OLA1: variants seen among roughly 807,000 people sequenced by gnomAD.
The protein encoded by OLA1 is obg-like ATPase 1.
A neutral mutation model predicts 48.4 loss-of-function variants in OLA1; 14 were observed. That is an observed-to-expected ratio of 0.29 (90% confidence interval 0.19 to 0.45). OLA1 has a LOEUF of 0.45. OLA1 is among the 20% of genes least tolerant of loss of function. The pLI is 1.00. For synonymous variants in OLA1, 127 were observed against 150.4 expected, an observed-to-expected ratio of 0.84 and a Z score of 1.14; for missense variants, 325 against 467.1, an observed-to-expected ratio of 0.70 and a Z score of 2.80.
intron 7 of OLA1, among the ~76,000 whole-genome samples, chr2:174,099,026 C>T (rs1574480331): frequency 2.0e-5 from 3 of 152,230 alleles, no homozygotes; most frequent in Admixed American, 2.0e-4. Flanking sequence ...CATTAAAAAT[C>T]ACTGCTGAGT....
chr2:174,222,540 TTC>T (rs1240848773), intron 4 of OLA1, among the ~76,000 whole-genome samples: 3 of 152,216 alleles, frequency 2.0e-5, no homozygotes, highest in South Asian at 2.1e-4. Flanking sequence ...GTCCTATTTT[TTC>T]TCTTTCCTTT....
chr2:174,110,569 C>T (rs898844526), intron 7 of OLA1, among the ~76,000 whole-genome samples: 5 of 151,816 alleles, frequency 3.3e-5, no homozygotes, highest in African/African-American at 1.2e-4. Flanking sequence ...CTCAGCCTCC[C>T]ACATAGCTGG....
In OLA1 at chr2:174,137,103, A is replaced by T. The variant is rs1686327344; in HGVS notation, c.549+4722T>A. 7.2e-5 allele frequency among the ~76,000 whole-genome samples: 11 copies of T among 152,244 alleles called. No individual in the cohort carries two copies. The South Asian group carries it at 2.3e-3, about 32-fold the overall frequency. ...AAATGTATTTCTTAAATAATAAGATAGGAACATCAAAATTATTCCTTGATC... is the reference window on the plus strand; with the variant it reads ...AAATGTATTTCTTAAATAATAAGATTGGAACATCAAAATTATTCCTTGATC... On this transcript the variant is annotated intron_variant, in intron 5 of 10. Coordinates refer to ENST00000284719, the MANE Select transcript of OLA1 (RefSeq NM_013341.5).
chr2:174,087,344 A>T lies in OLA1; in HGVS notation c.729-5280T>A, dbSNP rs1195090636. On this transcript the variant is annotated intron_variant, in intron 7 of 10. Transcript: ENST00000284719. ...CTCGGCCCCTATTGTATATTCTAAA[A>T]CTACCACACCATCATCAATACCAAT... Among the ~76,000 whole-genome samples the T allele has an allele frequency of 2.6e-5, 4 of 151,810 alleles. No individual in the cohort carries two copies. In the South Asian group the frequency reaches 6.2e-4, roughly 24 times the overall value.
chr2:174,089,683 C>T (rs1445349174), intron 7 of OLA1, among the ~76,000 whole-genome samples: 1 of 151,978 alleles, frequency 6.6e-6, no homozygotes, highest in South Asian at 2.1e-4. Flanking sequence ...GGGGGGATTG[C>T]TTGAGCTCAT....
chr2:174,083,703 A>G (rs1268207543), intron 7 of OLA1, among the ~76,000 whole-genome samples: 1 of 152,206 alleles, frequency 6.6e-6, no homozygotes, highest in Non-Finnish European at 1.5e-5. Flanking sequence ...AAATGTTATC[A>G]TCAATGGTTT....
chr2:174,174,400 T>C (rs1687376928), intron 4 of OLA1, among the ~76,000 whole-genome samples: 1 of 151,982 alleles, frequency 6.6e-6, no homozygotes, highest in Non-Finnish European at 1.5e-5. Context: ...TAATTTACCA[T>C]ATTAATAGAA....
At chr2:174,245,670 G>C (rs150041852) in intron 2 of OLA1, among the ~76,000 whole-genome samples, 1 of 152,312 alleles carries the variant, frequency 6.6e-6, no homozygotes, top group East Asian at 1.9e-4. Flanking sequence ...AAGGCAGGCA[G>C]ATCACCTGAG....
chr2:174,216,647 G>A (rs1688367155), intron 4 of OLA1, among the ~76,000 whole-genome samples: 1 of 151,994 alleles, frequency 6.6e-6, no homozygotes, highest in Admixed American at 6.6e-5. Context: ...CAAACTCTTG[G>A]GCTCAAGCAA....
chr2:174,102,029 A>C (rs1574482119), intron 7 of OLA1, among the ~76,000 whole-genome samples: 3 of 152,308 alleles, frequency 2.0e-5, no homozygotes, highest in Admixed American at 2.0e-4. Flanking sequence ...GAATATTCAA[A>C]TGAAGATTTC....
intron 2 of OLA1, among the ~76,000 whole-genome samples, chr2:174,246,407 T>A (rs1689128919): frequency 6.6e-6 from 1 of 152,188 alleles, no homozygotes; most frequent in South Asian, 2.1e-4. Context: ...CGATTTCCAC[T>A]ACGAAATTCA....
intron 5 of OLA1, among the ~76,000 whole-genome samples, chr2:174,136,322 C>A (rs1447507086): frequency 2.6e-5 from 4 of 152,230 alleles, no homozygotes; most frequent in African/African-American, 9.6e-5. Context: ...AACCCCGCCA[C>A]TGCCTTACCA....
At chr2:174,203,637 T>G (rs1318484925) in intron 4 of OLA1, among the ~76,000 whole-genome samples, 1 of 151,990 alleles carries the variant, frequency 6.6e-6, no homozygotes, top group East Asian at 1.9e-4. Flanking sequence ...TCTCGGGACT[T>G]CTCCAGCTGT....
Position 174,151,874 on chromosome 2 carries a change from G to C in OLA1, c.374-9874C>G, listed in dbSNP as rs181593460. Among the ~76,000 whole-genome samples the C allele has an allele frequency of 7.9e-5, 12 of 152,206 alleles. No homozygotes were observed. The East Asian group carries it at 1.9e-3, about 25-fold the overall frequency. ...GAGTGGGGATGTGAACGGGACGAGG[G>C]ACGAGGTATAAAACTAGTTATTGCA... is the stretch of plus-strand genomic sequence containing the variant. On this transcript the variant is annotated intron_variant, in intron 4 of 10. Coordinates refer to ENST00000284719, the MANE Select transcript of OLA1 (RefSeq NM_013341.5).
intron 4 of OLA1, among the ~76,000 whole-genome samples, chr2:174,181,265 A>T (rs1009548812): frequency 1.3e-5 from 2 of 152,224 alleles, no homozygotes; most frequent in African/African-American, 2.4e-5. Context: ...TCACTGGAGT[A>T]GGTTTTTAAA....
chr2:174,081,856 G>A (rs951568468), intron 8 of OLA1, 68 bp downstream of exon 8: 28 of 1,429,818 alleles, frequency 2.0e-5, no homozygotes, highest in East Asian at 1.8e-4. Context: ...TTCTATCAGC[G>A]CAAGCAATTA....
intron 4 of OLA1, among the ~76,000 whole-genome samples, chr2:174,168,753 ATATC>A (rs71021675): frequency 0.3 from 44,286 of 145,776 alleles, 6,743 homozygotes; most frequent in East Asian, 0.44. Flanking sequence ...CACAATATGT[ATATC>A]TATCTATCTA....
At chr2:174,225,545 C>T (rs190258047) in intron 3 of OLA1, among the ~76,000 whole-genome samples, 154 of 151,886 alleles carry the variant, frequency 1.0e-3, no homozygotes, top group Middle Eastern at 3.4e-3. Context: ...GCGAAACTCC[C>T]TCTCAAAAAA....
chr2:174,135,232 T>G (rs1686281968), intron 5 of OLA1, among the ~76,000 whole-genome samples: 1 of 150,808 alleles, frequency 6.6e-6, no homozygotes, highest in African/African-American at 2.4e-5. Flanking sequence ...AATGACCTCA[T>G]GTAAAATCAG....
Sources: gnomAD v4.1 joint callset for allele counts (sites outside exome capture counted in the v4.1 genomes callset) on GRCh38, gnomAD v4.1.1 for gene constraint, MANE v1.5 for transcripts, NCBI Gene and HGNC (gene_info 2026-07-23, HGNC 2026-07-21) for gene names.